The following SP100 variants were observed in gnomAD, a reference collection of about 807,000 sequenced individuals.
SP100 encodes SP100 nuclear body protein.
SP100 carries 84 observed loss-of-function variants against 130.0 expected under a neutral mutation model. The ratio of observed to expected loss-of-function variants is 0.65; its 90% CI spans 0.54 to 0.77. The LOEUF is 0.77. Among genes scored for constraint, SP100 ranks in the 30% least tolerant of loss-of-function variants. The pLI is 0.00. For synonymous variants in SP100, 331 were observed against 351.7 expected (o/e 0.94, Z 0.66); for missense variants, 978 against 1,052.2 (o/e 0.93, Z 0.97).
At chr2:230,492,557 A>G (rs892581628) in intron 17 of SP100, among the ~76,000 whole-genome samples, 2 of 151,954 alleles carry the variant, frequency 1.3e-5, no homozygotes, top group Non-Finnish European at 2.9e-5. Flanking sequence ...CTTTCCACCT[A>G]TGCTTCCCAA....
intron 8 of SP100, among the ~76,000 whole-genome samples, chr2:230,451,570 A>C (rs148952486): frequency 2.0e-5 from 3 of 152,304 alleles, no homozygotes; most frequent in Non-Finnish European, 2.9e-5. Context: ...ATGGTTTGCA[A>C]ATATTTTTTC....
chr2:230,449,089 A>T lies in SP100; in HGVS notation c.525A>T (p.Gly175=). Residue 175 remains glycine (G), a splice_region_variant and synonymous_variant, in exon 6 of 29, where the codon GGA becomes GGT. Transcript: ENST00000340126. ...RSGLQLSLEQ[G]TGENSFRSLT... Reference sequence around the variant, plus strand: ...AAACTTCTAATTTCTTCCTGCCAGGAACTGGTGAAAACTCTTTTCGAAGCC... The same window carrying T: ...AAACTTCTAATTTCTTCCTGCCAGGTACTGGTGAAAACTCTTTTCGAAGCC... 6.4e-7 allele frequency: 1 copy of T among 1,574,148 alleles called. No individual in the cohort carries two copies. Among genetic ancestry groups the T allele is most frequent in the Non-Finnish European group, 8.7e-7 (1 of 1,143,652 alleles).
rs772985982 is a variant in SP100, at chr2:230,470,015, G to T, written c.1346G>T (p.Arg449Leu). 1.2e-5 allele frequency: 19 copies of T among 1,611,058 alleles called. No homozygotes were observed. Among genetic ancestry groups the T allele is most frequent in the Non-Finnish European group, 1.6e-5 (19 of 1,178,658 alleles). ...STWRIPSRKR[R>L]FSSSDFSDLS... ...TAAGGAATTTTATTTTTTTCTGCAG[G>T]TTTCAGCAGTAGTGACTTTTCAGAC... The change falls in exon 15 of 29, where the codon CGT becomes CTT. Residue 449 changes from arginine (R) to leucine (L), a missense_variant and splice_region_variant. Transcript: ENST00000340126.
intron 15 of SP100, among the ~76,000 whole-genome samples, chr2:230,471,824 T>C (rs1333491036): frequency 1.3e-5 from 2 of 152,160 alleles, no homozygotes; most frequent in African/African-American, 2.4e-5. Flanking sequence ...AAGAGTCAGC[T>C]TCAAGTTTTT....
chr2:230,511,120 A>C lies in SP100; in HGVS notation c.2053-5A>C, dbSNP rs190408518. The stretch of plus-strand genomic sequence containing the variant: ...TTGTACCAATCTTTCTGTTTTTTTC[A>C]ACAGAGAATACTGGAATCTCACAAC... On this transcript the variant is annotated splice_region_variant and splice_polypyrimidine_tract_variant and intron_variant, in intron 23 of 28. Transcript: ENST00000340126. 5.2e-4 allele frequency: 831 copies of C among 1,601,148 alleles called. 2 individuals are homozygous for C. In the African/African-American group the frequency reaches 0.01, roughly 20 times the overall value.
intron 4 of SP100, among the ~76,000 whole-genome samples, chr2:230,445,243 T>C (rs2063655916): frequency 6.6e-6 from 1 of 152,236 alleles, no homozygotes; most frequent in African/African-American, 2.4e-5. Flanking sequence ...GAAAACTTTT[T>C]ATTCCCACAC....
At chr2:230,475,349 G>C (rs1344392226) in intron 17 of SP100, among the ~76,000 whole-genome samples, 1 of 152,124 alleles carries the variant, frequency 6.6e-6, no homozygotes, top group Non-Finnish European at 1.5e-5. Context: ...TTTGAGAAGT[G>C]TCTGTTCATG....
chr2:230,539,813 G>A (rs999445519), intron 25 of SP100, among the ~76,000 whole-genome samples: 1 of 152,168 alleles, frequency 6.6e-6, no homozygotes, highest in Admixed American at 6.5e-5. Context: ...TGAGACCTGT[G>A]AATTCTGCAA....
At chr2:230,453,268 C>T (rs1336850952) in intron 8 of SP100, among the ~76,000 whole-genome samples, 2 of 152,126 alleles carry the variant, frequency 1.3e-5, no homozygotes, top group Non-Finnish European at 2.9e-5. Context: ...GGTAACTGCC[C>T]CCATGACTCA....
intron 17 of SP100, among the ~76,000 whole-genome samples, chr2:230,494,101 G>A (rs1034309776): frequency 6.6e-6 from 1 of 151,816 alleles, no homozygotes; most frequent in African/African-American, 2.4e-5. Context: ...GACCCTCTTG[G>A]TACTCTTCTG....
chr2:230,462,451 C>A lies in SP100; in HGVS notation c.990C>A (p.Asp330Glu). The change falls in exon 10 of 29, where the codon GAC (aspartate) becomes GAA (glutamate). Residue 330 changes from aspartate (D) to glutamate (E), a missense_variant. Physicochemically the swap from Asp to Glu is conservative, Grantham distance 45. Transcript: ENST00000340126. ...ASDIIVISSEDSEGSTDVDEP... is the reference protein window; with the variant it reads ...ASDIIVISSEESEGSTDVDEP... ...TTTGTGCAGTCATCAGCAGTGAGGACTCTGAAGGATCCACTGACGTTGATG... is the reference window on the plus strand; with the variant it reads ...TTTGTGCAGTCATCAGCAGTGAGGAATCTGAAGGATCCACTGACGTTGATG... 1.2e-6 allele frequency: 2 copies of A among 1,613,710 alleles called. No homozygotes were observed. Among genetic ancestry groups the A allele is most frequent in the African/African-American group, 1.3e-5 (1 of 74,966 alleles).
intron 13 of SP100, among the ~76,000 whole-genome samples, chr2:230,468,633 C>A (rs923545448): frequency 4.0e-5 from 6 of 151,810 alleles, no homozygotes; most frequent in Non-Finnish European, 8.8e-5. Flanking sequence ...GGCAACATGG[C>A]AAAACCCCAT....
intron 15 of SP100, among the ~76,000 whole-genome samples, chr2:230,471,422 T>TA (rs2065259312): frequency 6.6e-6 from 1 of 152,230 alleles, no homozygotes; most frequent in Non-Finnish European, 1.5e-5. Flanking sequence ...GTCTATAGTC[T>TA]ATTATTTCCT....
At chr2:230,514,017 G>C (rs1464597839) in intron 24 of SP100, among the ~76,000 whole-genome samples, 2 of 151,588 alleles carry the variant, frequency 1.3e-5, no homozygotes, top group African/African-American at 4.8e-5. Flanking sequence ...TATAGTTGCT[G>C]TTGCTTGTTG....
intron 23 of SP100, 33 bp downstream of exon 23, chr2:230,508,064 G>A (rs376604146): frequency 4.8e-5 from 77 of 1,610,992 alleles, no homozygotes; most frequent in Admixed American, 3.2e-4. Flanking sequence ...CCAATGTCTC[G>A]TCTATTATGT....
At chr2:230,419,702 A>G (rs1003704288) in intron 2 of SP100, among the ~76,000 whole-genome samples, 12 of 152,236 alleles carry the variant, frequency 7.9e-5, no homozygotes, top group African/African-American at 2.9e-4. Flanking sequence ...ATTATTAGAT[A>G]TTGTTATTCA....
At chr2:230,448,806 C>T (rs139111277) in intron 5 of SP100, among the ~76,000 whole-genome samples, 1 of 152,294 alleles carries the variant, frequency 6.6e-6, no homozygotes, top group African/African-American at 2.4e-5. Flanking sequence ...CAGGATCACT[C>T]TGCCATCATC....
At chr2:230,511,509 A>T (rs986828414) in intron 24 of SP100, among the ~76,000 whole-genome samples, 8 of 152,208 alleles carry the variant, frequency 5.3e-5, no homozygotes, top group Non-Finnish European at 5.9e-5. Flanking sequence ...GTCAGAAAAT[A>T]AAAGCATTTT....
chr2:230,503,647 TC>T (rs1174079045), intron 20 of SP100, among the ~76,000 whole-genome samples: 1 of 152,290 alleles, frequency 6.6e-6, no homozygotes, highest in East Asian at 1.9e-4. Context: ...ATGTGCAGTT[TC>T]TTCTAGAACC....
Sources: allele counts gnomAD v4.1 joint callset (sites outside exome capture counted in the v4.1 genomes callset), GRCh38; gene constraint gnomAD v4.1.1; transcripts MANE v1.5; gene names NCBI Gene and HGNC (gene_info 2026-07-23, HGNC 2026-07-21).